Variants in LSAMP observed in about 807,000 individuals in gnomAD.
LSAMP encodes limbic system associated membrane protein.
Under a neutral mutation model 38.6 loss-of-function variants are expected in LSAMP, and 7 were observed. That is an observed-to-expected ratio of 0.18 (90% CI 0.10 to 0.34). LSAMP has a LOEUF of 0.34. Ranked by LOEUF, LSAMP falls within the 10% of genes least tolerant of loss-of-function variation. The pLI is 1.00. For missense variants in LSAMP, 313 were observed against 420.0 expected (o/e 0.75, Z 2.23); for synonymous variants, 154 against 166.8 (o/e 0.92, Z 0.59).
intron 1 of LSAMP, among the ~76,000 whole-genome samples, chr3:116,431,316 A>G (rs1217476421): frequency 6.6e-6 from 1 of 152,120 alleles, no homozygotes; most frequent in Non-Finnish European, 1.5e-5. Context: ...TTGATCCAAC[A>G]GCCTGGAATT....
intron 1 of LSAMP, among the ~76,000 whole-genome samples, chr3:116,415,933 C>T (rs2049043790): frequency 1.3e-5 from 2 of 152,070 alleles, no homozygotes; most frequent in South Asian, 4.1e-4. Flanking sequence ...AAATTGTATA[C>T]ATTTTAAAAT....
intron 3 of LSAMP, among the ~76,000 whole-genome samples, chr3:115,907,200 T>C (rs928871019): frequency 1.3e-5 from 2 of 152,136 alleles, no homozygotes; most frequent in Non-Finnish European, 2.9e-5. Context: ...TTGGCTTCAG[T>C]TTTTCTTCCT....
At chr3:116,387,218 T>A (rs539860468) in intron 1 of LSAMP, among the ~76,000 whole-genome samples, 1 of 151,810 alleles carries the variant, frequency 6.6e-6, no homozygotes, top group East Asian at 1.9e-4. Flanking sequence ...AATGGAGAGG[T>A]AAAAATCTAG....
chr3:116,238,480 A>G (rs868210750), intron 1 of LSAMP, among the ~76,000 whole-genome samples: 1 of 152,198 alleles, frequency 6.6e-6, no homozygotes, highest in Non-Finnish European at 1.5e-5. Context: ...TTACTCGCAT[A>G]TGGGACTATG....
chr3:116,244,406 G>A (rs1427406033), intron 1 of LSAMP, among the ~76,000 whole-genome samples: 1 of 152,064 alleles, frequency 6.6e-6, no homozygotes, highest in Non-Finnish European at 1.5e-5. Flanking sequence ...GCAAACCCAT[G>A]TCCTCCCACC....
chr3:116,207,534 G>A (rs4543009), intron 1 of LSAMP, among the ~76,000 whole-genome samples: 10,267 of 151,310 alleles, frequency 0.068, 456 homozygotes, highest in East Asian at 0.09. Context: ...ATTTTGCAGC[G>A]GCTGGTCCCG....
intron 1 of LSAMP, among the ~76,000 whole-genome samples, chr3:116,358,255 A>C (rs1056556948): frequency 3.9e-5 from 6 of 152,238 alleles, no homozygotes. Context: ...CAAAAACACC[A>C]GAGCCCTCTT....
chr3:116,113,400 C>A (rs1400593406), intron 1 of LSAMP, among the ~76,000 whole-genome samples: 78 of 87,094 alleles, frequency 9.0e-4, no homozygotes, highest in African/African-American at 3.1e-3. Context: ...TATGTTTGCC[C>A]TATATATATA....
intron 3 of LSAMP, among the ~76,000 whole-genome samples, chr3:115,901,569 C>T (rs1305476028): frequency 6.6e-6 from 1 of 152,160 alleles, no homozygotes; most frequent in Non-Finnish European, 1.5e-5. Context: ...AGCGTATCTC[C>T]CTGTATTTCC....
intron 3 of LSAMP, among the ~76,000 whole-genome samples, chr3:115,856,148 G>C (rs1935500040): frequency 6.6e-6 from 1 of 152,152 alleles, no homozygotes; most frequent in African/African-American, 2.4e-5. Context: ...GCTCAGATTA[G>C]TCACTCCATA....
intron 1 of LSAMP, among the ~76,000 whole-genome samples, chr3:116,396,201 T>G (rs2048765003): frequency 6.6e-6 from 1 of 152,198 alleles, no homozygotes; most frequent in South Asian, 2.1e-4. Context: ...AAAAAATCTC[T>G]AAGAGAGTGA....
intron 2 of LSAMP, among the ~76,000 whole-genome samples, chr3:116,041,129 G>A (rs1941161908): frequency 6.6e-6 from 1 of 152,016 alleles, no homozygotes. Flanking sequence ...TCACTATATT[G>A]CCCAGCCTGG....
chr3:116,330,935 A>G (rs1024130806), intron 1 of LSAMP, among the ~76,000 whole-genome samples: 1 of 152,172 alleles, frequency 6.6e-6, no homozygotes, highest in Non-Finnish European at 1.5e-5. Flanking sequence ...ACTGTCCCTA[A>G]AAAGAACTAA....
chr3:115,842,118 T>C (rs780482670), intron 5 of LSAMP, 125 bp from the exon 6 acceptor site: 4 of 960,302 alleles, frequency 4.2e-6, no homozygotes, highest in Non-Finnish European at 4.6e-6. Flanking sequence ...TGTTGTTCCA[T>C]GCCCAATTCC....
At chr3:115,853,611 A>G (rs187937075) in intron 3 of LSAMP, among the ~76,000 whole-genome samples, 1 of 152,248 alleles carries the variant, frequency 6.6e-6, no homozygotes, top group East Asian at 1.9e-4. Context: ...GAGAAAAATG[A>G]AAAGAGGAAA....
intron 1 of LSAMP, among the ~76,000 whole-genome samples, chr3:116,202,303 T>G (rs981280660): frequency 6.6e-6 from 1 of 152,056 alleles, no homozygotes; most frequent in African/African-American, 2.4e-5. Flanking sequence ...ACCTGGCTAA[T>G]TTTTGTATTT....
At position 115,894,400 on chromosome 3, in the gene LSAMP, C is replaced by T. The variant is rs535749718; in HGVS notation, c.515-41783G>A. Among the ~76,000 whole-genome samples, 8 of 152,090 alleles carry T rather than the reference C, an allele frequency of 5.3e-5. No individual in the cohort carries two copies. In the East Asian group the frequency reaches 1.6e-3, roughly 30 times the overall value. ...CACAATGCATGAACTGGCCCAAGAC[C>T]CTCGGTACTCTCTGGATGAAGGAAT... On this transcript the variant is annotated intron_variant, in intron 3 of 6. Coordinates refer to ENST00000490035, the MANE Select transcript of LSAMP (RefSeq NM_002338.5).
At chr3:116,138,457 T>A (rs910612583) in intron 1 of LSAMP, among the ~76,000 whole-genome samples, 18 of 152,050 alleles carry the variant, frequency 1.2e-4, no homozygotes, top group African/African-American at 4.1e-4. Flanking sequence ...TAATCAACCT[T>A]AAGCAATTTT....
At chr3:116,269,325 A>G (rs1244388392) in intron 1 of LSAMP, among the ~76,000 whole-genome samples, 2 of 152,108 alleles carry the variant, frequency 1.3e-5, no homozygotes, top group Non-Finnish European at 2.9e-5. Flanking sequence ...TAAATGTTAA[A>G]TAAAATATGC....
Sources: allele counts gnomAD v4.1 joint callset (sites outside exome capture counted in the v4.1 genomes callset), GRCh38; gene constraint gnomAD v4.1.1; transcripts MANE v1.5; gene names NCBI Gene and HGNC (gene_info 2026-07-23, HGNC 2026-07-21).